The following ARHGEF25 variants were observed in gnomAD, a reference collection of about 807,000 sequenced individuals.
ARHGEF25 encodes the protein Rho guanine nucleotide exchange factor 25, also known as RAC/CDC42 exchange factor.
In ARHGEF25, 42 loss-of-function variants were observed where a neutral mutation model predicts 74.0. That is an observed-to-expected ratio of 0.57 (90% CI 0.44 to 0.73). ARHGEF25 has a LOEUF of 0.73. ARHGEF25 is among the 30% of genes least tolerant of loss of function. The pLI, the probability that ARHGEF25 is intolerant of heterozygous loss-of-function variation, is 0.00. For missense variants in ARHGEF25, 645 were observed against 725.5 expected, an observed-to-expected ratio of 0.89 and a Z score of 1.27; for synonymous variants, 293 against 278.6, an observed-to-expected ratio of 1.05 and a Z score of -0.51.
chr12:57,613,346 G>A lies in ARHGEF25; in HGVS notation c.395G>A (p.Gly132Glu). 1 of 1,614,228 alleles carries A rather than the reference G, an allele frequency of 6.2e-7. No individual in the cohort carries two copies. Among genetic ancestry groups the A allele is most frequent in the Non-Finnish European group, 8.5e-7 (1 of 1,180,030 alleles). Residue 132 changes from glycine to glutamate, a missense_variant, in exon 3 of 15, where the codon GGA becomes GAA. Gly to Glu is a moderately conservative substitution (Grantham distance 98, BLOSUM62 -2). Around this residue, in one of 3 missense-constraint regions of ARHGEF25, gnomAD observed 189 missense variants for 199.1 expected, o/e 0.95. Coordinates refer to ENST00000286494, the MANE Select transcript of ARHGEF25 (RefSeq NM_182947.4). ...CTGACCACACTGTTGGAGGGCCCTG[G>A]AGATAAGACGCAGGTGTGAGGACAG... ...TLLTTLLEGP[G>E]DKTQPPEEET...
chr12:57,611,845 T>TC lies in ARHGEF25; in HGVS notation c.-45dup. The TC allele has an allele frequency of 1.7e-6, 2 of 1,170,590 alleles. No homozygotes were observed. The highest frequency in any genetic ancestry group is 2.2e-6 in the Non-Finnish European group (2 of 930,178). 72.5% of individuals were successfully genotyped at this position (1,170,590 alleles called of 1,614,324 possible). On this transcript the variant is annotated 5_prime_UTR_variant, in exon 1 of 15. Transcript: ENST00000286494. The surrounding 1 kb of genome is among the most constrained non-coding windows in gnomAD (Gnocchi z 4.5). ...CCGTCCCCGCCCCGCCCCCCGTGAT[T>TC]CCCCCTGCATGGCCGGCCCGGGTGG...
Position 57,613,074 on chromosome 12 carries a change from G to A in ARHGEF25, c.242G>A (p.Trp81Ter). The A allele has an allele frequency of 6.2e-7, 1 of 1,614,142 alleles. No homozygotes were observed. Among genetic ancestry groups the A allele is most frequent in the Non-Finnish European group, 8.5e-7 (1 of 1,179,998 alleles). ...GGGCCCGTCAGTGGCCTGAGGAGAT[G>A]GTTGGATCATTCCAAACATTGTCTC... The part of the protein sequence containing the change: ...PPGPVSGLRR[W>*]LDHSKHCLSV... The change falls in exon 2 of 15, where the codon TGG becomes TAG. Residue 81 changes from tryptophan to a stop codon, truncating the protein, a stop_gained. Transcript: ENST00000286494. LOFTEE classifies it high-confidence loss of function.
At chr12:57,613,892 G>A in intron 5 of ARHGEF25, 124 bp from the exon 6 acceptor site, 1 of 1,477,050 alleles carries the variant, frequency 6.8e-7, no homozygotes, top group Admixed American at 1.8e-5. Context: ...TCCTACTCTG[G>A]GGGCAGGGCG....
Position 57,614,134 on chromosome 12 carries a change from T to C in ARHGEF25, c.656+15T>C. ...TGGCACCGAGAGTGAGTGGTGGAAC[T>C]CTGACAGCTAGGTGCTGGAGAGGGG... is the stretch of plus-strand genomic sequence containing the variant. On this transcript the variant is annotated intron_variant, in intron 6 of 14. Transcript: ENST00000286494. The surrounding 1 kb of genome is among the most constrained non-coding windows in gnomAD (Gnocchi z 4.6). The C allele has an allele frequency of 6.2e-7, 1 of 1,613,524 alleles. No homozygotes were observed. The highest frequency in any genetic ancestry group is 8.5e-7 in the Non-Finnish European group (1 of 1,179,520).
chr12:57,616,362 G>A lies in ARHGEF25; in HGVS notation c.1499G>A (p.Gly500Glu). The A allele has an allele frequency of 6.2e-7, 1 of 1,614,092 alleles. No individual in the cohort carries two copies. The highest frequency in any genetic ancestry group is 1.1e-5 in the South Asian group (1 of 91,080). The change falls in exon 14 of 15, where the codon GGG becomes GAG. Residue 500 changes from glycine (G) to glutamate (E), a missense_variant. Gly to Glu is a moderately conservative substitution (Grantham distance 98). Around this residue, in one of 3 missense-constraint regions of ARHGEF25, gnomAD observed 262 missense variants for 256.9 expected, o/e 1.02. Transcript: ENST00000286494. ...GGGCGGCCAAGAGGGCCTGGAGTGG[G>A]GAGCCCTGGAAGAATTCAGCTTGGA... The part of the protein sequence containing the change: ...SLGRPRGPGV[G>E]SPGRIQLGDQ...
rs900165265 is a variant in ARHGEF25 at position 57,614,158 on chromosome 12, G to T, written c.656+39G>T. ...CTCTGACAGCTAGGTGCTGGAGAGG[G>T]GCCCTCATCTGGTTGTCCTGTATCC... On this transcript the variant is annotated intron_variant, in intron 6 of 14. Coordinates refer to ENST00000286494, the MANE Select transcript of ARHGEF25 (RefSeq NM_182947.4). The surrounding 1 kb of genome is among the most constrained non-coding windows in gnomAD (Gnocchi z 4.6). 26 of 1,608,214 alleles carry T rather than the reference G, an allele frequency of 1.6e-5. No homozygotes were observed. Among genetic ancestry groups the T allele is most frequent in the Non-Finnish European group, 2.2e-5 (26 of 1,174,860 alleles).
Position 57,614,692 on chromosome 12 carries a change from C to A in ARHGEF25, c.820C>A (p.Leu274Ile). Residue 274 changes from leucine (L) to isoleucine (I), a missense_variant, in exon 9 of 15, where the codon CTC (leucine) becomes ATC (isoleucine). By Grantham distance (5) the Leu-to-Ile change is conservative. This residue lies in a region of ARHGEF25 where 194 missense variants were observed against 269.4 expected (regional missense o/e 0.72). Coordinates refer to ENST00000286494, the MANE Select transcript of ARHGEF25 (RefSeq NM_182947.4). The surrounding 1 kb of genome is among the most constrained non-coding windows in gnomAD (Gnocchi z 4.6). ...SEFGDSYFEE[L>I]RQQLGHRLQL... ...ACCACCCTGTCCCTGTCCCCAGGAGCTCCGGCAGCAGCTGGGGCACCGCCT... is the reference window on the plus strand; with the variant it reads ...ACCACCCTGTCCCTGTCCCCAGGAGATCCGGCAGCAGCTGGGGCACCGCCT... The A allele has an allele frequency of 6.2e-7, 1 of 1,613,606 alleles. No individual in the cohort carries two copies. The highest frequency in any genetic ancestry group is 8.5e-7 in the Non-Finnish European group (1 of 1,179,888).
chr12:57,614,282 G>A lies in ARHGEF25; in HGVS notation c.657-49G>A, dbSNP rs1432781425. The A allele has an allele frequency of 6.2e-7, 1 of 1,606,834 alleles. No individual in the cohort carries two copies. Among genetic ancestry groups the A allele is most frequent in the Admixed American group, 1.7e-5 (1 of 60,000 alleles). On this transcript the variant is annotated intron_variant, in intron 6 of 14. Coordinates refer to ENST00000286494, the MANE Select transcript of ARHGEF25 (RefSeq NM_182947.4). This position sits in a 1 kb window ranked among gnomAD's most constrained non-coding sequence, Gnocchi z 4.6. Reference sequence around the variant, plus strand: ...GAAACTGCTGGGAGTGGGCGAGGTGGGGGTTGTGAAATGTATTTGACCTGC... The same window carrying A: ...GAAACTGCTGGGAGTGGGCGAGGTGAGGGTTGTGAAATGTATTTGACCTGC...
Position 57,613,758 on chromosome 12 carries a change from G to C in ARHGEF25, c.550G>C (p.Glu184Gln). The C allele has an allele frequency of 6.2e-7, 1 of 1,614,042 alleles. No individual in the cohort carries two copies. The highest frequency in any genetic ancestry group is 8.5e-7 in the Non-Finnish European group (1 of 1,179,964). Residue 184 changes from glutamate (E) to glutamine (Q), a missense_variant and splice_region_variant, in exon 5 of 15, where the codon GAG becomes CAG. Glu to Gln is a conservative substitution (Grantham distance 29). Around this residue, in one of 3 missense-constraint regions of ARHGEF25, gnomAD observed 194 missense variants for 269.4 expected, o/e 0.72. Coordinates refer to ENST00000286494, the MANE Select transcript of ARHGEF25 (RefSeq NM_182947.4). ...CGTGGACGACTTGGGGCAGATTGTG[G>C]AGGTAGCTCCCTTTACCCCTTCCCA... is the stretch of plus-strand genomic sequence containing the variant. ...MYVDDLGQIV[E>Q]GYMATMAAQG...
intron 11 of ARHGEF25, 23 bp from the exon 12 acceptor site, chr12:57,615,489 G>A: frequency 6.2e-7 from 1 of 1,613,658 alleles, no homozygotes. Context: ...CTTTTTCCAA[G>A]GCCACTATCC....
chr12:57,612,680 A>C (rs772359387), intron 1 of ARHGEF25: 24 of 1,361,282 alleles, frequency 1.8e-5, no homozygotes, highest in Non-Finnish European at 2.3e-5. Context: ...TGCTCAGGAT[A>C]TGGGGAACCT....
At chr12:57,615,053 C>G (rs1884223688) in intron 10 of ARHGEF25, 36 bp downstream of exon 10, 2 of 1,609,664 alleles carry the variant, frequency 1.2e-6, no homozygotes, top group African/African-American at 2.7e-5. Context: ...ACACCATGTG[C>G]TCCTTATCCT....
chr12:57,615,106 A>G, intron 10 of ARHGEF25, 89 bp downstream of exon 10: 1 of 1,582,930 alleles, frequency 6.3e-7, no homozygotes, highest in Non-Finnish European at 8.6e-7. Flanking sequence ...GGTGGTTTAC[A>G]GCTGTCTGGT....
In ARHGEF25 at chr12:57,615,989, C is replaced by A; in HGVS notation, c.1392C>A (p.Ile464=). 2 of 1,613,232 alleles carry A rather than the reference C, an allele frequency of 1.2e-6. No homozygotes were observed. The highest frequency in any genetic ancestry group is 1.7e-6 in the Non-Finnish European group (2 of 1,179,472). ...CCTGGATCAAGCATGTGGCTCAGATCTTGGAGAGCCAACGGGACTTCCTCA... is the reference window on the plus strand; with the variant it reads ...CCTGGATCAAGCATGTGGCTCAGATATTGGAGAGCCAACGGGACTTCCTCA... ...SQAWIKHVAQ[I]LESQRDFLNA... is the part of the protein sequence containing the mutation. Residue 464 remains isoleucine (I), a synonymous_variant, in exon 13 of 15, where the codon ATC becomes ATA. Coordinates refer to ENST00000286494, the MANE Select transcript of ARHGEF25 (RefSeq NM_182947.4).
At chr12:57,613,917 G>A (rs960657359) in intron 5 of ARHGEF25, 99 bp from the exon 6 acceptor site, 2 of 1,482,206 alleles carry the variant, frequency 1.3e-6, no homozygotes, top group Non-Finnish European at 1.9e-6. Context: ...CCACCAGGGA[G>A]GGGGAGGTGG....
chr12:57,614,579 T>C lies in ARHGEF25; in HGVS notation c.790T>C (p.Ser264Pro), dbSNP rs1404632656. 6.2e-7 allele frequency: 1 copy of C among 1,613,766 alleles called. No individual in the cohort carries two copies. Among genetic ancestry groups the C allele is most frequent in the Non-Finnish European group, 8.5e-7 (1 of 1,180,004 alleles). The change falls in exon 8 of 15, where the codon TCA (serine) becomes CCA (proline). Residue 264 changes from serine to proline, a missense_variant. Transcript: ENST00000286494. This position sits in a 1 kb window ranked among gnomAD's most constrained non-coding sequence, Gnocchi z 4.6. ...QNKPKSEHVV[S>P]EFGDSYFEEL... is the part of the protein sequence containing the mutation. ...TAAGCCCAAGTCAGAGCATGTGGTG[T>C]CAGAGTTTGGGGACAGCTACTTTGA...
Position 57,614,992 on chromosome 12 carries a change from C to T in ARHGEF25, c.935C>T (p.Ala312Val), listed in dbSNP as rs1565727756. 1 of 1,614,128 alleles carries T rather than the reference C, an allele frequency of 6.2e-7. No individual in the cohort carries two copies. The highest frequency in any genetic ancestry group is 8.5e-7 in the Non-Finnish European group (1 of 1,180,012). ...GATTTTCTCAAGTATTACAATAGAG[C>T]TGGGATGGATACTGCAGACCTAGAG... is the stretch of plus-strand genomic sequence containing the variant. ...LKDFLKYYNR[A>V]GMDTADLEQA... The change falls in exon 10 of 15, where the codon GCT (alanine) becomes GTT (valine). Residue 312 changes from alanine to valine, a missense_variant. Ala to Val is a moderately conservative substitution (Grantham distance 64). This residue lies in a region of ARHGEF25 where 194 missense variants were observed against 269.4 expected (regional missense o/e 0.72). Coordinates refer to ENST00000286494, the MANE Select transcript of ARHGEF25 (RefSeq NM_182947.4). The surrounding 1 kb of genome is among the most constrained non-coding windows in gnomAD (Gnocchi z 4.6).
intron 4 of ARHGEF25, 75 bp from the exon 5 acceptor site, chr12:57,613,619 G>T (rs1326428461): frequency 6.2e-7 from 1 of 1,610,096 alleles, no homozygotes; most frequent in African/African-American, 1.3e-5. Context: ...TGATAAAGGG[G>T]AGGAGGGAGG....
Position 57,613,633 on chromosome 12 carries a change from G to A in ARHGEF25, c.486-61G>A, listed in dbSNP as rs1172538223. ...ATGATAAAGGGGAGGAGGGAGGAAC[G>A]GGCTGAACCAAGGATGAGCTCCGAC... On this transcript the variant is annotated intron_variant, in intron 4 of 14. Transcript: ENST00000286494. 7 of 1,610,692 alleles carry A rather than the reference G, an allele frequency of 4.3e-6. No homozygotes were observed. In the East Asian group the frequency reaches 6.7e-5, roughly 15 times the overall value.
Sources: allele counts gnomAD v4.1 joint callset, GRCh38; gene constraint gnomAD v4.1.1; regional missense constraint gnomAD v4.1.1; non-coding constraint Gnocchi (gnomAD v3.1); transcripts MANE v1.5; gene names NCBI Gene and HGNC (gene_info 2026-07-23, HGNC 2026-07-21).